The following PCDHA2 variants were observed in gnomAD, a reference collection of about 807,000 sequenced individuals.
PCDHA2 encodes the protein protocadherin alpha 2.
Under a neutral mutation model 66.0 loss-of-function variants are expected in PCDHA2, and 58 were observed. The ratio of observed to expected loss-of-function variants is 0.88; its 90% CI spans 0.71 to 1.09. The LOEUF (loss-of-function observed/expected upper bound fraction) is 1.09, where lower values mean the gene tolerates loss of function less well. Ranked by LOEUF, PCDHA2 falls within the 50% of genes least tolerant of loss-of-function variation. The pLI, the probability that PCDHA2 is intolerant of heterozygous loss-of-function variation, is 0.00. For synonymous variants in PCDHA2, 634 were observed against 554.0 expected, an observed-to-expected ratio of 1.14 and a Z score of -2.03; for missense variants, 1,267 against 1,242.3, an observed-to-expected ratio of 1.02 and a Z score of -0.30.
chr5:140,795,100 G>A lies in PCDHA2; in HGVS notation c.136G>A (p.Gly46Ser), dbSNP rs1761914893. The stretch of plus-strand genomic sequence containing the variant: ...GGAGGCCAAACACGGCACCTTCGTG[G>A]GCCGCATCGCGCAGGACCTGGGGCT... The part of the protein sequence containing the change: ...PEEAKHGTFV[G>S]RIAQDLGLEL... The change falls in exon 1 of 4, where the codon GGC (glycine) becomes AGC (serine). Residue 46 changes from glycine to serine, a missense_variant. Gly to Ser is a moderately conservative substitution (Grantham distance 56, BLOSUM62 0). Coordinates refer to ENST00000526136, the MANE Select transcript of PCDHA2 (RefSeq NM_018905.3). The A allele has an allele frequency of 1.9e-6, 3 of 1,613,910 alleles. No individual in the cohort carries two copies. Among genetic ancestry groups the A allele is most frequent in the Non-Finnish European group, 2.5e-6 (3 of 1,180,046 alleles).
intron 1 of PCDHA2, among the ~76,000 whole-genome samples, chr5:140,895,655 A>G (rs2065093360): frequency 6.6e-6 from 1 of 152,154 alleles, no homozygotes. Context: ...TCCCACTTAT[A>G]AGTGAGAACA....
At chr5:140,843,524 G>A (rs2150361987) in intron 1 of PCDHA2, 4 of 1,595,982 alleles carry the variant, frequency 2.5e-6, no homozygotes, top group East Asian at 4.5e-5. Flanking sequence ...GTGCCGGGCG[G>A]GCAAGCCCAC....
chr5:140,842,553 G>A (rs144906391), intron 1 of PCDHA2: 24 of 1,453,612 alleles, frequency 1.7e-5, no homozygotes. Flanking sequence ...GTGCTGGACA[G>A]CGCCCTGGAC....
chr5:141,000,421 A>ATATTTTT (rs1265241806), intron 3 of PCDHA2, among the ~76,000 whole-genome samples: 1 of 27,968 alleles, frequency 3.6e-5, no homozygotes, highest in Non-Finnish European at 5.7e-5. Context: ...ATATATATAT[A>ATATTTTT]TTTTTTTTTT....
chr5:140,998,855 C>T (rs544471391), intron 3 of PCDHA2, among the ~76,000 whole-genome samples: 63 of 152,320 alleles, frequency 4.1e-4, no homozygotes, highest in Admixed American at 2.1e-3. Context: ...GAGCCACATG[C>T]CTGGCCTTGT....
chr5:140,832,332 T>C (rs2150201022), intron 1 of PCDHA2, among the ~76,000 whole-genome samples: 5 of 152,348 alleles, frequency 3.3e-5, no homozygotes, highest in South Asian at 2.1e-4. Context: ...ATTAGAGGAC[T>C]GAGTTGTGGT....
At chr5:140,802,890 C>T (rs934549073) in intron 1 of PCDHA2, 1 of 1,613,662 alleles carries the variant, frequency 6.2e-7, no homozygotes, top group African/African-American at 1.3e-5. Context: ...CGCGCCGGCA[C>T]TGCTGATGCC....
chr5:140,834,517 T>C, intron 1 of PCDHA2: 2 of 1,614,066 alleles, frequency 1.2e-6, no homozygotes, highest in South Asian at 1.1e-5. Context: ...GGCAACTTCG[T>C]GGGCCGCATC....
chr5:140,883,091 G>A lies in PCDHA2; in HGVS notation c.2388+85739G>A, dbSNP rs782433695. The A allele has an allele frequency of 1.9e-6, 3 of 1,613,994 alleles. No individual in the cohort carries two copies. In the African/African-American group the frequency reaches 4.0e-5, roughly 22 times the overall value. ...CACAGATCCTGATGATGGTACAAAT[G>A]GAGATATAGTTTACTCATTTAGAAG... On this transcript the variant is annotated intron_variant, in intron 1 of 3. Coordinates refer to ENST00000526136, the MANE Select transcript of PCDHA2 (RefSeq NM_018905.3).
intron 1 of PCDHA2, among the ~76,000 whole-genome samples, chr5:140,970,092 A>C (rs1554232243): frequency 6.6e-6 from 1 of 151,978 alleles, no homozygotes; most frequent in East Asian, 1.9e-4. Context: ...GTGTGGGGGG[A>C]TGGTGAAGAC....
At chr5:140,888,967 G>T (rs1434157317) in intron 1 of PCDHA2, among the ~76,000 whole-genome samples, 1 of 152,000 alleles carries the variant, frequency 6.6e-6, no homozygotes, top group African/African-American at 2.4e-5. Flanking sequence ...CAATGTTAAT[G>T]TGTTGAATTT....
In PCDHA2 at chr5:140,848,822, C is replaced by T. The variant is rs2150421511; in HGVS notation, c.2388+51470C>T. The T allele has an allele frequency of 1.9e-6, 3 of 1,590,462 alleles. 1 individual carries two copies. The highest frequency in any genetic ancestry group is 3.4e-5 in the Admixed American group (2 of 58,802). ...AGTGCAGCATCCACCTGGAGGTGATCGTAGACAGGCCGCTGCAGGTTTTCC... is the reference window on the plus strand; with the variant it reads ...AGTGCAGCATCCACCTGGAGGTGATTGTAGACAGGCCGCTGCAGGTTTTCC... On this transcript the variant is annotated intron_variant, in intron 1 of 3. Transcript: ENST00000526136.
At chr5:140,843,209 G>T (rs2150355357) in intron 1 of PCDHA2, 1 of 1,595,962 alleles carries the variant, frequency 6.3e-7, no homozygotes, top group African/African-American at 1.3e-5. Flanking sequence ...GTACACGGGC[G>T]AGATCAGCAC....
Position 140,828,379 on chromosome 5 carries a change from C to T in PCDHA2, c.2388+31027C>T, listed in dbSNP as rs2150154694. The T allele has an allele frequency of 1.9e-6, 3 of 1,614,236 alleles. No individual in the cohort carries two copies. In the South Asian group the frequency reaches 3.3e-5, roughly 18 times the overall value. On this transcript the variant is annotated intron_variant, in intron 1 of 3. Transcript: ENST00000526136. ...CTCGGATCGACCGCGAGGAGCTGTG[C>T]GGGCGGAGCGCGGAGTGCAGCATCC...
intron 1 of PCDHA2, chr5:140,808,864 C>G: frequency 6.2e-7 from 1 of 1,613,138 alleles, no homozygotes; most frequent in Non-Finnish European, 8.5e-7. Context: ...TGGACGAAAA[C>G]GACAACGCGC....
intron 1 of PCDHA2, chr5:140,841,148 C>G: frequency 1.3e-6 from 1 of 776,052 alleles, no homozygotes. Context: ...CATGATGTCG[C>G]TGTCTACCAA....
chr5:140,921,102 T>G (rs1300756897), intron 1 of PCDHA2, among the ~76,000 whole-genome samples: 1 of 152,028 alleles, frequency 6.6e-6, no homozygotes, highest in Non-Finnish European at 1.5e-5. Context: ...TGCCTCAGTC[T>G]CCTAAGTAGC....
chr5:140,961,071 G>T (rs1344860284), intron 1 of PCDHA2, among the ~76,000 whole-genome samples: 1 of 152,208 alleles, frequency 6.6e-6, no homozygotes, highest in Non-Finnish European at 1.5e-5. Flanking sequence ...GATATCTGGA[G>T]TATCAAGTAA....
intron 1 of PCDHA2, among the ~76,000 whole-genome samples, chr5:140,941,247 CTTTCTTTCTCTT>C (rs1165264412): frequency 7.0e-5 from 9 of 128,506 alleles, no homozygotes; most frequent in African/African-American, 1.7e-4. Context: ...TTCTTTCTTT[CTTTCTTTCTCTT>C]TCTTTCTTTC....
Sources: gnomAD v4.1 joint callset for allele counts (sites outside exome capture counted in the v4.1 genomes callset) on GRCh38, gnomAD v4.1.1 for gene constraint, MANE v1.5 for transcripts, NCBI Gene and HGNC (gene_info 2026-07-23, HGNC 2026-07-21) for gene names.